Variants in PDPR observed in about 807,000 individuals in gnomAD.
PDPR encodes pyruvate dehydrogenase phosphatase regulatory subunit, mitochondrial.
Under a neutral mutation model 102.2 loss-of-function variants are expected in PDPR, and 50 were observed. That is an observed-to-expected ratio of 0.49 (90% CI 0.39 to 0.62). The LOEUF (loss-of-function observed/expected upper bound fraction) is 0.62, where lower values mean the gene tolerates loss of function less well. PDPR is among the 20% of genes least tolerant of loss of function. The pLI, the probability that PDPR is intolerant of heterozygous loss-of-function variation, is 0.00. For synonymous variants in PDPR, 259 were observed against 406.0 expected (o/e 0.64, Z 4.35); for missense variants, 625 against 1,098.2 (o/e 0.57, Z 6.09).
intron 6 of PDPR, among the ~76,000 whole-genome samples, chr16:70,129,425 A>G (rs1330664880): frequency 6.6e-6 from 1 of 152,266 alleles, no homozygotes; most frequent in East Asian, 1.9e-4. Flanking sequence ...GCTCACTGCA[A>G]CCTTCGCCTC....
At chr16:70,116,292 G>A (rs1415452563) in intron 2 of PDPR, among the ~76,000 whole-genome samples, 7 of 135,340 alleles carry the variant, frequency 5.2e-5, no homozygotes, top group Admixed American at 1.5e-4. Flanking sequence ...GATCAGGCTG[G>A]TCTCAAACTC....
chr16:70,129,371 C>T (rs538745301), intron 6 of PDPR, among the ~76,000 whole-genome samples: 28 of 152,376 alleles, frequency 1.8e-4, no homozygotes, highest in African/African-American at 5.5e-4. Flanking sequence ...GGAGACAGAG[C>T]TTCACTCTTT....
rs1488840008 is a variant in PDPR at position 70,121,581 on chromosome 16, ACTCAGCAGGCTGAGGCAGGAGAAT to A, written c.227+864_227+887del. ...GTGGTGTGCACCTGTAATCCCAGCT[ACTCAGCAGGCTGAGGCAGGAGAAT>A]CGCTTGAATCCGTGAGGCGGAGGTG... On this transcript the variant is annotated intron_variant, in intron 3 of 18. Transcript: ENST00000288050. Among the ~76,000 whole-genome samples, 11 of 152,184 alleles carry A rather than the reference ACTCAGCAGGCTGAGGCAGGAGAAT, an allele frequency of 7.2e-5. No individual in the cohort carries two copies. In the East Asian group the frequency reaches 1.7e-3, roughly 24 times the overall value.
chr16:70,143,997 T>C (rs1966004450), intron 14 of PDPR, among the ~76,000 whole-genome samples: 1 of 152,146 alleles, frequency 6.6e-6, no homozygotes, highest in African/African-American at 2.4e-5. Flanking sequence ...GCTCAAGTGA[T>C]CCTCCCACCT....
intron 3 of PDPR, among the ~76,000 whole-genome samples, chr16:70,125,210 C>G (rs1341757909): frequency 2.6e-5 from 4 of 152,236 alleles, no homozygotes; most frequent in African/African-American, 7.2e-5. Context: ...AACCCCATCT[C>G]TACTAAAAAT....
chr16:70,121,139 A>C (rs967822365), intron 3 of PDPR, among the ~76,000 whole-genome samples: 1 of 151,962 alleles, frequency 6.6e-6, no homozygotes, highest in Non-Finnish European at 1.5e-5. Context: ...TGTGGATTGC[A>C]TTTAAGCAAA....
intron 4 of PDPR, among the ~76,000 whole-genome samples, chr16:70,128,549 C>T (rs577689208): frequency 2.0e-5 from 3 of 152,378 alleles, no homozygotes; most frequent in East Asian, 1.9e-4. Flanking sequence ...TTGATCCTCA[C>T]AACCTCACAA....
chr16:70,141,800 A>G (rs1597354713), intron 11 of PDPR, among the ~76,000 whole-genome samples: 1 of 152,270 alleles, frequency 6.6e-6, no homozygotes, highest in East Asian at 1.9e-4. Context: ...AAATTAGACT[A>G]CATTAGCCTG....
Position 70,156,624 on chromosome 16 carries a change from T to C in PDPR, c.2385T>C (p.Tyr795=). The change falls in exon 19 of 19, where the codon TAT becomes TAC. Residue 795 remains tyrosine (Y), a synonymous_variant. Coordinates refer to ENST00000288050, the MANE Select transcript of PDPR (RefSeq NM_017990.5). Reference sequence around the variant, plus strand: ...AGCCCATTTACCGGAATGGGCAGTATGTTGGCAAGACCACCAGCAGTGCCT... The same window carrying C: ...AGCCCATTTACCGGAATGGGCAGTACGTTGGCAAGACCACCAGCAGTGCCT... ...WGEPIYRNGQ[Y]VGKTTSSAYS... The C allele has an allele frequency of 6.2e-7, 1 of 1,614,110 alleles. No individual in the cohort carries two copies. The highest frequency in any genetic ancestry group is 1.1e-5 in the South Asian group (1 of 91,092).
intron 2 of PDPR, among the ~76,000 whole-genome samples, chr16:70,117,553 C>T (rs1962773801): frequency 6.6e-6 from 1 of 151,976 alleles, no homozygotes; most frequent in Non-Finnish European, 1.5e-5. Flanking sequence ...AGGCTGTGAC[C>T]TGAGGAGATT....
intron 15 of PDPR, among the ~76,000 whole-genome samples, chr16:70,145,343 G>A (rs1479303153): frequency 1.4e-4 from 21 of 152,246 alleles, no homozygotes; most frequent in African/African-American, 4.8e-4. Flanking sequence ...TCACCATGTT[G>A]GCCAGGCTGG....
intron 18 of PDPR, among the ~76,000 whole-genome samples, chr16:70,154,483 A>C (rs1966892481): frequency 6.6e-6 from 1 of 151,916 alleles, no homozygotes; most frequent in East Asian, 1.9e-4. Context: ...ATTGAAAAAC[A>C]AACAAAAAAA....
At position 70,156,955 on chromosome 16, in the gene PDPR, C is replaced by T; in HGVS notation, c.*76C>T. ...CGTCACCTTGGAGCTTCTCTTCCTT[C>T]CGCCTCTGTTCCTCTTCTGGAGCCT... On this transcript the variant is annotated 3_prime_UTR_variant, in exon 19 of 19. Transcript: ENST00000288050. 6.5e-7 allele frequency: 1 copy of T among 1,544,920 alleles called. No individual in the cohort carries two copies. The highest frequency in any genetic ancestry group is 1.2e-5 in the South Asian group (1 of 84,860).
At chr16:70,136,018 G>A (rs1201386573) in intron 9 of PDPR, among the ~76,000 whole-genome samples, 176 bp from the exon 10 acceptor site, 2 of 151,108 alleles carry the variant, frequency 1.3e-5, no homozygotes, top group South Asian at 2.1e-4. Flanking sequence ...GCAGTGAGCC[G>A]AGATCGTGCC....
intron 3 of PDPR, among the ~76,000 whole-genome samples, chr16:70,124,970 C>G (rs1963771500): frequency 1.3e-5 from 2 of 152,268 alleles, no homozygotes; most frequent in Admixed American, 1.3e-4. Context: ...TGGGCCCTAG[C>G]ATTACTGTAG....
chr16:70,152,919 C>T lies in PDPR; in HGVS notation c.2053-472C>T, dbSNP rs1056834508. 7.2e-5 allele frequency among the ~76,000 whole-genome samples: 11 copies of T among 152,380 alleles called. No individual in the cohort carries two copies. The East Asian group carries it at 1.4e-3, about 19-fold the overall frequency. On this transcript the variant is annotated intron_variant, in intron 17 of 18. Transcript: ENST00000288050. ...CCCGCCGTCATCCGATGTGTGCACA[C>T]GTCTCGAGTAACGTGTGAGAGCTGG... is the stretch of plus-strand genomic sequence containing the variant.
intron 2 of PDPR, among the ~76,000 whole-genome samples, chr16:70,118,746 G>C (rs374304764): frequency 5.9e-5 from 9 of 152,252 alleles, no homozygotes; most frequent in Middle Eastern, 3.4e-3. Flanking sequence ...AAGACTAGCC[G>C]GGTAGAGAAG....
chr16:70,117,796 A>G (rs1962798874), intron 2 of PDPR, among the ~76,000 whole-genome samples: 1 of 152,090 alleles, frequency 6.6e-6, no homozygotes, highest in South Asian at 2.1e-4. Flanking sequence ...TCCTGAGGGC[A>G]TCAGAAAGTC....
At chr16:70,150,527 CTTAA>C (rs1488907465) in intron 17 of PDPR, among the ~76,000 whole-genome samples, 1 of 80,466 alleles carries the variant, frequency 1.2e-5, no homozygotes, top group African/African-American at 4.6e-5. Flanking sequence ...TAGGTTTTCT[CTTAA>C]TTTTTTTTTT....
Sources: gnomAD v4.1 joint callset for allele counts (sites outside exome capture counted in the v4.1 genomes callset) on GRCh38, gnomAD v4.1.1 for gene constraint, MANE v1.5 for transcripts, NCBI Gene and HGNC (gene_info 2026-07-23, HGNC 2026-07-21) for gene names.